PLCXD3: variants seen among roughly 807,000 people sequenced by gnomAD.
PLCXD3 encodes phosphatidylinositol specific phospholipase C X domain containing 3.
PLCXD3 carries 19 observed loss-of-function variants against 25.5 expected under a neutral mutation model. The observed-to-expected ratio is 0.75, with a 90% confidence interval of 0.52 to 1.09. The LOEUF is 1.09. Ranked by LOEUF, PLCXD3 falls within the 50% of genes least tolerant of loss-of-function variation. PLCXD3 has a pLI of 0.00. For missense variants in PLCXD3, 411 were observed against 388.1 expected (o/e 1.06, Z -0.50); for synonymous variants, 174 against 137.6 (o/e 1.26, Z -1.85).
At position 41,459,337 on chromosome 5, in the gene PLCXD3, A is replaced by G. The variant is rs545105255; in HGVS notation, c.103+51087T>C. Among the ~76,000 whole-genome samples the G allele has an allele frequency of 3.3e-5, 5 of 152,026 alleles. No individual in the cohort carries two copies. The East Asian group carries it at 9.7e-4, about 30-fold the overall frequency. ...GAAATGTTATTTTAAAAAATCATCC[A>G]AATCAATGTGGCAGAGTGGCCTGCT... On this transcript the variant is annotated intron_variant, in intron 1 of 2. Transcript: ENST00000377801.
intron 2 of PLCXD3, among the ~76,000 whole-genome samples, chr5:41,372,112 A>G (rs551425292): frequency 6.6e-6 from 1 of 151,932 alleles, no homozygotes; most frequent in African/African-American, 2.4e-5. Flanking sequence ...TTTTTTTGTG[A>G]GTGCTAGCTA....
At chr5:41,417,215 C>G (rs1290296731) in intron 1 of PLCXD3, among the ~76,000 whole-genome samples, 4 of 152,152 alleles carry the variant, frequency 2.6e-5, no homozygotes, top group African/African-American at 9.7e-5. Flanking sequence ...CTAAGGGTCC[C>G]AGGAAGGGAG....
In PLCXD3 at chr5:41,382,251, A is replaced by T; in HGVS notation, c.387T>A (p.Asn129Lys). 1 of 1,613,772 alleles carries T rather than the reference A, an allele frequency of 6.2e-7. No homozygotes were observed. The highest frequency in any genetic ancestry group is 8.5e-7 in the Non-Finnish European group (1 of 1,179,788). The change falls in exon 2 of 3, where the codon AAT becomes AAA. Residue 129 changes from asparagine (N) to lysine (K), a missense_variant. By Grantham distance (94) the Asn-to-Lys change is moderately conservative. Coordinates refer to ENST00000377801, the MANE Select transcript of PLCXD3 (RefSeq NM_001005473.3). ...AKVNEGLEEI[N>K]AFLTDHHKEV... ...CCTTATGGTGATCTGTGAGGAATGC[A>T]TTGATCTCCTCAAGGCCTTCATTGA...
chr5:41,390,027 G>A (rs1745761065), intron 1 of PLCXD3, among the ~76,000 whole-genome samples: 1 of 152,012 alleles, frequency 6.6e-6, no homozygotes, highest in Admixed American at 6.6e-5. Flanking sequence ...CCAAGATCCA[G>A]GCAACCACTA....
chr5:41,363,060 G>A (rs1375977895), intron 2 of PLCXD3, among the ~76,000 whole-genome samples: 1 of 152,184 alleles, frequency 6.6e-6, no homozygotes, highest in African/African-American at 2.4e-5. Context: ...GATGCTAGAA[G>A]AGGGGACAAC....
intron 1 of PLCXD3, among the ~76,000 whole-genome samples, chr5:41,494,156 T>A (rs1386508748): frequency 6.6e-6 from 1 of 152,224 alleles, no homozygotes; most frequent in African/African-American, 2.4e-5. Flanking sequence ...TGAAGTGCAG[T>A]GGTGTGATCA....
At chr5:41,478,201 T>C (rs535542711) in intron 1 of PLCXD3, among the ~76,000 whole-genome samples, 16 of 152,178 alleles carry the variant, frequency 1.1e-4, no homozygotes, top group Non-Finnish European at 2.4e-4. Context: ...CGCTGGGTTG[T>C]TAGAGAGTTG....
chr5:41,488,805 GT>G (rs1244881201), intron 1 of PLCXD3, among the ~76,000 whole-genome samples: 10 of 146,512 alleles, frequency 6.8e-5, no homozygotes, highest in Admixed American at 6.0e-4. Context: ...ATTTGTTTGA[GT>G]TCATTGTAGA....
intron 1 of PLCXD3, among the ~76,000 whole-genome samples, chr5:41,494,089 G>A (rs930014987): frequency 5.3e-5 from 8 of 152,158 alleles, no homozygotes; most frequent in Middle Eastern, 3.4e-3. Context: ...GCTCCCTCCC[G>A]GGTTTTATTT....
chr5:41,506,219 G>T (rs376212287), intron 1 of PLCXD3, among the ~76,000 whole-genome samples: 1 of 152,208 alleles, frequency 6.6e-6, no homozygotes, highest in African/African-American at 2.4e-5. Flanking sequence ...GCATATGTGT[G>T]CATAGGAAGA....
intron 1 of PLCXD3, among the ~76,000 whole-genome samples, chr5:41,500,204 T>A (rs1748923468): frequency 6.6e-6 from 1 of 151,910 alleles, no homozygotes; most frequent in African/African-American, 2.4e-5. Flanking sequence ...AAAGAAAATG[T>A]GGCATGTATA....
At chr5:41,382,589 C>A (rs545358) in intron 1 of PLCXD3, 55 bp from the exon 2 acceptor site, 1,262,586 of 1,382,816 alleles carry the variant, frequency 0.91, 579,712 homozygotes, top group Middle Eastern at 0.95. Flanking sequence ...GCCCTTCCCA[C>A]CTTCTTTCCC....
intron 1 of PLCXD3, among the ~76,000 whole-genome samples, chr5:41,447,306 T>TTGAAA (rs1460679547): frequency 3.3e-5 from 5 of 152,142 alleles, no homozygotes; most frequent in African/African-American, 1.2e-4. Context: ...TCAGTGGTAA[T>TTGAAA]TGAAATGAAA....
chr5:41,400,088 T>C (rs1746133718), intron 1 of PLCXD3, among the ~76,000 whole-genome samples: 2 of 152,098 alleles, frequency 1.3e-5, no homozygotes, highest in Non-Finnish European at 1.5e-5. Flanking sequence ...TGTGAACAGA[T>C]GCACAATATC....
intron 2 of PLCXD3, among the ~76,000 whole-genome samples, chr5:41,377,911 T>C (rs1745343008): frequency 1.3e-5 from 2 of 152,218 alleles, no homozygotes; most frequent in South Asian, 4.1e-4. Context: ...CTCCAAACTG[T>C]GCAGATGAAA....
At chr5:41,449,235 A>G (rs1364269524) in intron 1 of PLCXD3, among the ~76,000 whole-genome samples, 1 of 152,214 alleles carries the variant, frequency 6.6e-6, no homozygotes, top group Non-Finnish European at 1.5e-5. Flanking sequence ...ACACTCACTG[A>G]TATCCTCATA....
At chr5:41,391,614 G>T (rs1428567997) in intron 1 of PLCXD3, among the ~76,000 whole-genome samples, 1 of 152,138 alleles carries the variant, frequency 6.6e-6, no homozygotes. Flanking sequence ...CTGGCTTCAG[G>T]TGAGTCTCAG....
chr5:41,315,945 T>C (rs1187185678), intron 2 of PLCXD3, among the ~76,000 whole-genome samples: 1 of 152,192 alleles, frequency 6.6e-6, no homozygotes, highest in East Asian at 1.9e-4. Context: ...TAGTGTTCTG[T>C]GTCTCCAAGT....
intron 1 of PLCXD3, among the ~76,000 whole-genome samples, chr5:41,410,306 AT>A (rs563270858): frequency 2.0e-4 from 30 of 148,360 alleles, no homozygotes; most frequent in Admixed American, 5.4e-4. Flanking sequence ...CGCCTGGCTA[AT>A]TTTTTTTTTG....
Sources: gnomAD v4.1 joint callset for allele counts (sites outside exome capture counted in the v4.1 genomes callset) on GRCh38, gnomAD v4.1.1 for gene constraint, MANE v1.5 for transcripts, NCBI Gene and HGNC (gene_info 2026-07-23, HGNC 2026-07-21) for gene names.